Variants in MTMR14 observed in about 807,000 individuals in gnomAD.
MTMR14 encodes the protein myotubularin related protein 14.
A neutral mutation model predicts 86.3 loss-of-function variants in MTMR14; 48 were observed. The observed-to-expected ratio is 0.56, with a 90% CI of 0.44 to 0.71. The LOEUF (loss-of-function observed/expected upper bound fraction) is 0.71. MTMR14 is among the 30% of genes least tolerant of loss of function. The probability of loss-of-function intolerance (pLI) is 0.00; values close to 1 mark genes in which losing one functional copy is unlikely to be tolerated. For synonymous variants in MTMR14, 366 were observed against 326.1 expected (o/e 1.12, Z -1.32); for missense variants, 780 against 834.6 (o/e 0.93, Z 0.81).
intron 15 of MTMR14, 68 bp downstream of exon 15, chr3:9,688,822 C>A: frequency 6.2e-7 from 1 of 1,609,230 alleles, no homozygotes; most frequent in Non-Finnish European, 8.5e-7. Context: ...CAGGCAGGAA[C>A]TGTTTGTGCT....
intron 2 of MTMR14, among the ~76,000 whole-genome samples, chr3:9,657,004 C>T (rs1432332318): frequency 1.3e-5 from 2 of 152,030 alleles, no homozygotes; most frequent in Non-Finnish European, 2.9e-5. Flanking sequence ...CCTTGATCCC[C>T]TGGGCTCAAG....
intron 1 of MTMR14, among the ~76,000 whole-genome samples, chr3:9,650,940 C>G (rs1024468518): frequency 6.6e-6 from 1 of 152,048 alleles, no homozygotes; most frequent in Admixed American, 6.6e-5. Flanking sequence ...AGGACCCCAC[C>G]ACCACGCCCA....
chr3:9,668,626 TG>T, intron 3 of MTMR14, 92 bp from the exon 4 acceptor site: 1 of 1,357,760 alleles, frequency 7.4e-7, no homozygotes, highest in Non-Finnish European at 1.1e-6. Flanking sequence ...CCCGTTATGC[TG>T]GCCTGGAAGA....
At chr3:9,668,903 G>A in intron 4 of MTMR14, 109 bp downstream of exon 4, 1 of 1,111,114 alleles carries the variant, frequency 9.0e-7, no homozygotes, top group Non-Finnish European at 1.4e-6. Context: ...ACTTTGGGAG[G>A]CCAAGGCGAG....
chr3:9,676,310 T>C (rs926951944), intron 7 of MTMR14, among the ~76,000 whole-genome samples: 1 of 152,208 alleles, frequency 6.6e-6, no homozygotes, highest in Non-Finnish European at 1.5e-5. Flanking sequence ...CACCAGGAGC[T>C]CCTTGGAGGA....
intron 3 of MTMR14, among the ~76,000 whole-genome samples, chr3:9,664,412 A>T (rs2048131503): frequency 6.6e-6 from 1 of 151,906 alleles, no homozygotes; most frequent in African/African-American, 2.4e-5. Context: ...TAGGGACACC[A>T]ACCTCTACCA....
intron 3 of MTMR14, among the ~76,000 whole-genome samples, chr3:9,664,968 A>G (rs1328467242): frequency 1.3e-5 from 2 of 152,172 alleles, no homozygotes; most frequent in Non-Finnish European, 2.9e-5. Context: ...CCCTGATGTG[A>G]TTGTTATGCG....
In MTMR14 at chr3:9,701,947, C is replaced by T. The variant is rs777046881; in HGVS notation, c.1927C>T (p.Arg643Trp). The change falls in exon 19 of 19, where the codon CGG (arginine) becomes TGG (tryptophan). Residue 643 changes from arginine (R) to tryptophan (W), a missense_variant. Coordinates refer to ENST00000296003, the MANE Select transcript of MTMR14 (RefSeq NM_001077525.3). This position sits in a 1 kb window ranked among gnomAD's most constrained non-coding sequence, Gnocchi z 4.2. ...LEQFARGVGL[R>W]SISSNAL ...GCAATTTGCCCGTGGTGTTGGACTC[C>T]GGAGCATCAGCAGCAATGCCTTGTG... The T allele has an allele frequency of 9.3e-6, 15 of 1,614,168 alleles. 1 individual carries two copies. In the Admixed American group the frequency reaches 1.2e-4, roughly 13 times the overall value.
chr3:9,684,839 C>T (rs762559818), intron 11 of MTMR14, 49 bp from the exon 12 acceptor site: 3 of 1,600,248 alleles, frequency 1.9e-6, no homozygotes, highest in Non-Finnish European at 2.6e-6. Flanking sequence ...TGGTTCAGCT[C>T]CTGGGGATGA....
At chr3:9,697,014 C>T (rs1351795947) in intron 17 of MTMR14, among the ~76,000 whole-genome samples, 1 of 152,262 alleles carries the variant, frequency 6.6e-6, no homozygotes, top group East Asian at 1.9e-4. Context: ...AACCTTCTTC[C>T]TCCCACCCCC....
At chr3:9,680,693 C>T (rs1056229165) in intron 9 of MTMR14, among the ~76,000 whole-genome samples, 5 of 152,250 alleles carry the variant, frequency 3.3e-5, no homozygotes, top group South Asian at 4.1e-4. Flanking sequence ...AAAAATTAGC[C>T]GGGCGTGGTG....
chr3:9,675,933 A>G (rs2075555603), intron 7 of MTMR14, among the ~76,000 whole-genome samples: 1 of 152,184 alleles, frequency 6.6e-6, no homozygotes, highest in Non-Finnish European at 1.5e-5. Context: ...AGAATAGGCT[A>G]AAGTGTTATG....
intron 2 of MTMR14, among the ~76,000 whole-genome samples, chr3:9,656,949 A>C (rs1489627140): frequency 6.6e-6 from 1 of 151,786 alleles, no homozygotes; most frequent in Non-Finnish European, 1.5e-5. Flanking sequence ...GTTTTTAATT[A>C]AGACGGGGTC....
intron 6 of MTMR14, among the ~76,000 whole-genome samples, chr3:9,671,690 A>G (rs555118832): frequency 2.0e-5 from 3 of 152,298 alleles, no homozygotes; most frequent in African/African-American, 7.2e-5. Context: ...AAATCAGCAT[A>G]TATTCAAATT....
At chr3:9,659,444 CT>C (rs546901318) in intron 2 of MTMR14, among the ~76,000 whole-genome samples, 9,024 of 138,962 alleles carry the variant, frequency 0.065, 807 homozygotes, top group African/African-American at 0.2. Context: ...TGAATTGGTT[CT>C]TTTTTTTTTT....
chr3:9,697,691 C>T lies in MTMR14; in HGVS notation c.1614-20C>T, dbSNP rs769017461. 6.2e-7 allele frequency: 1 copy of T among 1,612,132 alleles called. No homozygotes were observed. Among genetic ancestry groups the T allele is most frequent in the South Asian group, 1.1e-5 (1 of 90,870 alleles). ...TATGACTGACTGCATCCTCTCCCCTCTCTCTCCTCTCTGCCCCAGATCAGT... is the reference window on the plus strand; with the variant it reads ...TATGACTGACTGCATCCTCTCCCCTTTCTCTCCTCTCTGCCCCAGATCAGT... On this transcript the variant is annotated intron_variant, in intron 17 of 18. Coordinates refer to ENST00000296003, the MANE Select transcript of MTMR14 (RefSeq NM_001077525.3).
intron 17 of MTMR14, among the ~76,000 whole-genome samples, chr3:9,696,168 G>C (rs1025864725): frequency 6.6e-6 from 1 of 152,190 alleles, no homozygotes; most frequent in African/African-American, 2.4e-5. Flanking sequence ...AGGTGGTTCT[G>C]TTTCAGGACA....
Position 9,677,627 on chromosome 3 carries a change from A to G in MTMR14, c.822+240A>G, listed in dbSNP as rs1366634152. Among the ~76,000 whole-genome samples the G allele has an allele frequency of 6.6e-6, 1 of 152,028 alleles. No individual in the cohort carries two copies. Among genetic ancestry groups the G allele is most frequent in the Non-Finnish European group, 1.5e-5 (1 of 67,992 alleles). ...TTTTGTTTAAGGGAATTTTTCAGAA[A>G]CAAGATAGGAAAAGCCCTTCCCTTC... On this transcript the variant is annotated intron_variant, in intron 8 of 18. Coordinates refer to ENST00000296003, the MANE Select transcript of MTMR14 (RefSeq NM_001077525.3). This position sits in a 1 kb window ranked among gnomAD's most constrained non-coding sequence, Gnocchi z 4.2.
chr3:9,652,236 G>C (rs1053700172), intron 1 of MTMR14, among the ~76,000 whole-genome samples: 42 of 152,140 alleles, frequency 2.8e-4, no homozygotes, highest in African/African-American at 9.9e-4. Context: ...CAAAGTGCTG[G>C]GATTATAGGC....
Sources: gnomAD v4.1 joint callset for allele counts (sites outside exome capture counted in the v4.1 genomes callset) on GRCh38, gnomAD v4.1.1 for gene constraint, Gnocchi (gnomAD v3.1) non-coding constraint, MANE v1.5 for transcripts, NCBI Gene and HGNC (gene_info 2026-07-23, HGNC 2026-07-21) for gene names.